USP37: variants seen among roughly 807,000 people sequenced by gnomAD.
USP37 encodes the protein ubiquitin specific peptidase 37.
In USP37, 27 loss-of-function variants were observed where a neutral mutation model predicts 124.0. That is an observed-to-expected ratio of 0.22 (90% CI 0.16 to 0.30). The LOEUF is 0.30. Among genes scored for constraint, USP37 ranks in the 10% least tolerant of loss-of-function variants. The pLI is 1.00. For missense variants in USP37, 889 were observed against 1,140.4 expected, an observed-to-expected ratio of 0.78 and a Z score of 3.17; for synonymous variants, 365 against 388.0, an observed-to-expected ratio of 0.94 and a Z score of 0.70.
intron 10 of USP37, among the ~76,000 whole-genome samples, chr2:218,522,295 G>A (rs1690697598): frequency 6.6e-6 from 1 of 151,952 alleles, no homozygotes; most frequent in African/African-American, 2.4e-5. Flanking sequence ...GAGCACACTG[G>A]CTCATGCCTG....
chr2:218,463,820 C>T (rs1332874947), intron 21 of USP37, among the ~76,000 whole-genome samples: 2 of 150,020 alleles, frequency 1.3e-5, no homozygotes, highest in African/African-American at 2.4e-5. Context: ...CAAGTGTGAG[C>T]CACTGCGCCC....
chr2:218,479,035 T>G (rs1021431004), intron 18 of USP37, among the ~76,000 whole-genome samples: 6 of 152,086 alleles, frequency 3.9e-5, no homozygotes, highest in Admixed American at 2.0e-4. Flanking sequence ...GACAACTAAA[T>G]CAATTGAAAT....
At chr2:218,558,328 C>A (rs1693137193) in intron 4 of USP37, among the ~76,000 whole-genome samples, 170 bp downstream of exon 4, 1 of 152,096 alleles carries the variant, frequency 6.6e-6, no homozygotes, top group Admixed American at 6.5e-5. Context: ...AACAACAATA[C>A]TGATGAATAA....
intron 1 of USP37, among the ~76,000 whole-genome samples, chr2:218,563,190 G>A (rs993981519): frequency 1.3e-5 from 2 of 149,318 alleles, no homozygotes; most frequent in East Asian, 1.9e-4. Flanking sequence ...GAAAGTGATC[G>A]TTTATACAAC....
chr2:218,455,993 C>G (rs969947823), intron 24 of USP37, among the ~76,000 whole-genome samples: 1 of 152,092 alleles, frequency 6.6e-6, no homozygotes, highest in African/African-American at 2.4e-5. Context: ...TTGCAGTGAA[C>G]CGAGATAGCA....
At chr2:218,465,748 G>A (rs1407431799) in intron 21 of USP37, among the ~76,000 whole-genome samples, 1 of 152,064 alleles carries the variant, frequency 6.6e-6, no homozygotes, top group African/African-American at 2.4e-5. Flanking sequence ...AGTAGATGGG[G>A]TTTTGTCATG....
At chr2:218,507,531 G>T (rs998240222) in intron 11 of USP37, among the ~76,000 whole-genome samples, 1 of 152,040 alleles carries the variant, frequency 6.6e-6, no homozygotes, top group African/African-American at 2.4e-5. Context: ...AATTTTCACT[G>T]GCTGAAATAT....
rs919005020 is a variant in USP37 at position 218,557,656 on chromosome 2, C to T, written c.156+842G>A. On this transcript the variant is annotated intron_variant, in intron 4 of 25. Coordinates refer to ENST00000258399, the MANE Select transcript of USP37 (RefSeq NM_020935.3). Reference sequence around the variant, plus strand: ...AAAAATATAATATCTTGGCTGGGCGCGGTGGCTCACGGCTGTAATCCCAGC... The same window carrying T: ...AAAAATATAATATCTTGGCTGGGCGTGGTGGCTCACGGCTGTAATCCCAGC... 4.8e-4 allele frequency among the ~76,000 whole-genome samples: 71 copies of T among 146,450 alleles called. 1 individual carries two copies. The highest frequency in any genetic ancestry group is 1.6e-3 in the African/African-American group (65 of 39,582).
intron 5 of USP37, among the ~76,000 whole-genome samples, chr2:218,551,947 C>G (rs1341120746): frequency 6.6e-6 from 1 of 152,098 alleles, no homozygotes; most frequent in Non-Finnish European, 1.5e-5. Flanking sequence ...CACTCGCCAC[C>G]ATGCCTGGCT....
intron 1 of USP37, among the ~76,000 whole-genome samples, chr2:218,564,227 C>T (rs1271636758): frequency 6.6e-6 from 1 of 152,228 alleles, no homozygotes; most frequent in Non-Finnish European, 1.5e-5. Context: ...ATCACTATGC[C>T]ATCATCCCAC....
chr2:218,564,980 G>A (rs1197602842), intron 1 of USP37, among the ~76,000 whole-genome samples: 2 of 152,094 alleles, frequency 1.3e-5, no homozygotes, highest in Admixed American at 6.6e-5. Context: ...GGAACACAGT[G>A]GTGCCATCTT....
chr2:218,487,200 C>T (rs1457784242), intron 15 of USP37, among the ~76,000 whole-genome samples: 3 of 152,108 alleles, frequency 2.0e-5, no homozygotes, highest in South Asian at 2.1e-4. Flanking sequence ...ATATCTGTAA[C>T]GGTATATCAC....
chr2:218,480,797 C>T (rs1559174124), intron 17 of USP37, among the ~76,000 whole-genome samples: 2 of 152,134 alleles, frequency 1.3e-5, no homozygotes, highest in African/African-American at 4.8e-5. Flanking sequence ...AGTACTACTG[C>T]CAGCAAGAGT....
chr2:218,529,653 G>A (rs10427217), intron 10 of USP37, among the ~76,000 whole-genome samples: 7,376 of 151,812 alleles, frequency 0.049, 513 homozygotes, highest in African/African-American at 0.16. Flanking sequence ...ACAGGGTCTC[G>A]TTCTGTTGCT....
rs764742520 is a variant in USP37 at position 218,559,996 on chromosome 2, C to CA, written c.-25+823dup. On this transcript the variant is annotated intron_variant, in intron 3 of 25. Coordinates refer to ENST00000258399, the MANE Select transcript of USP37 (RefSeq NM_020935.3). The stretch of plus-strand genomic sequence containing the variant: ...GAGACCCTGTCTCAAAACAAACAAA[C>CA]AAAAAAAAAACACAAAAAACTTAAA... Among the ~76,000 whole-genome samples, 878 of 144,530 alleles carry CA rather than the reference C, an allele frequency of 6.1e-3. 20 individuals carry two copies. The highest frequency in any genetic ancestry group is 0.045 in the Admixed American group (652 of 14,524). The allele number at this position is 144,530 out of a possible 152,430, so 94.8% of individuals were successfully genotyped here. A position where few individuals can be genotyped will look rare whatever the true frequency, so the allele number is the denominator to read the frequency against.
At chr2:218,539,309 T>C (rs1691843045) in intron 8 of USP37, among the ~76,000 whole-genome samples, 1 of 152,146 alleles carries the variant, frequency 6.6e-6, no homozygotes, top group African/African-American at 2.4e-5. Flanking sequence ...GCTGCACTTT[T>C]GCAGTTTGAG....
At chr2:218,544,430 TAGAGAG>T (rs56690495) in intron 8 of USP37, among the ~76,000 whole-genome samples, 19 of 50,822 alleles carry the variant, frequency 3.7e-4, no homozygotes, top group East Asian at 1.7e-3. Context: ...TATATATATA[TAGAGAG>T]AGAGAGAGAG....
intron 4 of USP37, among the ~76,000 whole-genome samples, chr2:218,555,272 C>A (rs1001260652): frequency 3.6e-5 from 4 of 112,018 alleles, no homozygotes; most frequent in Non-Finnish European, 8.8e-5. Context: ...AAACAAAGAA[C>A]TAGTAACATA....
intron 11 of USP37, among the ~76,000 whole-genome samples, chr2:218,507,756 AT>A (rs917104098): frequency 6.6e-6 from 1 of 151,946 alleles, no homozygotes; most frequent in Non-Finnish European, 1.5e-5. Flanking sequence ...ATGATCCTTA[AT>A]TTTCTTCTCT....
Sources: allele counts gnomAD v4.1 joint callset (sites outside exome capture counted in the v4.1 genomes callset), GRCh38; gene constraint gnomAD v4.1.1; transcripts MANE v1.5; gene names NCBI Gene and HGNC (gene_info 2026-07-23, HGNC 2026-07-21).